PCNX4: variants seen among roughly 807,000 people sequenced by gnomAD.
PCNX4 encodes pecanex-like protein 4.
In PCNX4, 103 loss-of-function variants were observed where a neutral mutation model predicts 107.2. The ratio of observed to expected loss-of-function variants is 0.96; its 90% CI spans 0.82 to 1.13. The LOEUF (loss-of-function observed/expected upper bound fraction) is 1.13. PCNX4 is among the 50% of genes most tolerant of loss of function. PCNX4 has a pLI of 0.00. For missense variants in PCNX4, 1,528 were observed against 1,379.4 expected (o/e 1.11, Z -1.71); for synonymous variants, 541 against 481.7 (o/e 1.12, Z -1.61).
rs766470939 is a variant in PCNX4 at position 60,134,150 on chromosome 14, G to A, written c.3448G>A (p.Val1150Ile). The A allele has an allele frequency of 6.8e-6, 11 of 1,613,686 alleles. No homozygotes were observed. In the South Asian group the frequency reaches 1.1e-4, roughly 16 times the overall value. Reference sequence around the variant, plus strand: ...TCCACTACTTTTAAGAAATCTTACGGTACAAGCAGCAGAACCTCCCCTGGG... The same window carrying A: ...TCCACTACTTTTAAGAAATCTTACGATACAAGCAGCAGAACCTCCCCTGGG... ...AHPLLLRNLT[V>I]QAAEPPLGYP... Residue 1150 changes from valine (V) to isoleucine (I), a missense_variant, in exon 11 of 11, where the codon GTA becomes ATA. Val to Ile is a conservative substitution (Grantham distance 29). Transcript: ENST00000406854.
At chr14:60,125,949 A>C in intron 10 of PCNX4, 126 bp downstream of exon 10, 1 of 671,120 alleles carries the variant, frequency 1.5e-6, no homozygotes, top group Non-Finnish European at 2.2e-6. Flanking sequence ...TATAGTTTTA[A>C]GGCATTTGTA....
In PCNX4 at chr14:60,125,626, A is replaced by G. The variant is rs1237540466; in HGVS notation, c.3081-11A>G. On this transcript the variant is annotated splice_polypyrimidine_tract_variant and intron_variant, in intron 9 of 10. Coordinates refer to ENST00000406854, the MANE Select transcript of PCNX4 (RefSeq NM_001330177.2). ...ATATTCTAAAATTCTTCGGTTCTCC[A>G]TTTTTTTTAGGTATACTCTGAAACT... is the stretch of plus-strand genomic sequence containing the variant. 6 of 1,447,716 alleles carry G rather than the reference A, an allele frequency of 4.1e-6. No homozygotes were observed. Among genetic ancestry groups the G allele is most frequent in the Non-Finnish European group, 5.5e-6 (6 of 1,096,292 alleles). The allele number at this position is 1,447,716 out of a possible 1,614,324, so 89.7% of individuals were successfully genotyped here.
At position 60,144,839 on chromosome 14, in the gene PCNX4, G is replaced by T; in HGVS notation, c.*10618G>T. The stretch of plus-strand genomic sequence containing the variant: ...TTTTTTATTTCATTCCATGTTGGAA[G>T]CAAAGTCATATCTATTAAAAAGTAA... On this transcript the variant is annotated 3_prime_UTR_variant, in exon 11 of 11. Coordinates refer to ENST00000406854, the MANE Select transcript of PCNX4 (RefSeq NM_001330177.2). 3 of 794,730 alleles carry T rather than the reference G, an allele frequency of 3.8e-6. No homozygotes were observed. Among genetic ancestry groups the T allele is most frequent in the South Asian group, 1.6e-5 (1 of 61,544 alleles). The allele number at this position is 794,730 out of a possible 1,614,324, so 49.2% of individuals were successfully genotyped here.
Position 60,116,071 on chromosome 14 carries a change from C to G in PCNX4, c.1578+11C>G, listed in dbSNP as rs1168525698. On this transcript the variant is annotated intron_variant, in intron 6 of 10. Transcript: ENST00000406854. Reference sequence around the variant, plus strand: ...CTCAGACTCTTACTGGTAAGTGTGTCTTTTAACAGCTTTACTGAAATATAT... The same window carrying G: ...CTCAGACTCTTACTGGTAAGTGTGTGTTTTAACAGCTTTACTGAAATATAT... The G allele has an allele frequency of 1.3e-6, 2 of 1,578,368 alleles. No homozygotes were observed. The highest frequency in any genetic ancestry group is 1.7e-6 in the Non-Finnish European group (2 of 1,162,230).
chr14:60,129,253 AG>A (rs1332334326), intron 10 of PCNX4, among the ~76,000 whole-genome samples: 27 of 148,394 alleles, frequency 1.8e-4, no homozygotes, highest in African/African-American at 5.8e-4. Flanking sequence ...AAAAAAAAAA[AG>A]AAGGATAACA....
chr14:60,124,741 T>C lies in PCNX4; in HGVS notation c.2570T>C (p.Val857Ala). The C allele has an allele frequency of 6.2e-7, 1 of 1,613,166 alleles. No individual in the cohort carries two copies. Among genetic ancestry groups the C allele is most frequent in the Non-Finnish European group, 8.5e-7 (1 of 1,179,784 alleles). ...ACAAATTTGTTTATTCCAGGATCAG[T>C]AGAATCACAGAGGGTTGGTGATCAT... ...PGTNLFIPGS[V>A]ESQRVGDHST... The change falls in exon 9 of 11, where the codon GTA (valine) becomes GCA (alanine). Residue 857 changes from valine (V) to alanine (A), a missense_variant. Physicochemically the swap from Val to Ala is moderately conservative, Grantham distance 64 (BLOSUM62 0). Coordinates refer to ENST00000406854, the MANE Select transcript of PCNX4 (RefSeq NM_001330177.2).
chr14:60,132,329 A>G (rs1896169757), intron 10 of PCNX4, among the ~76,000 whole-genome samples: 1 of 152,194 alleles, frequency 6.6e-6, no homozygotes, highest in Non-Finnish European at 1.5e-5. Flanking sequence ...ATCCAGGATG[A>G]TCTCATCTCT....
chr14:60,106,615 G>A (rs555196699), intron 1 of PCNX4, among the ~76,000 whole-genome samples: 1 of 152,276 alleles, frequency 6.6e-6, no homozygotes, highest in African/African-American at 2.4e-5. Flanking sequence ...AAACTCCATA[G>A]AGGTATAACA....
chr14:60,125,801 C>T lies in PCNX4; in HGVS notation c.3245C>T (p.Ser1082Phe), dbSNP rs141434749. 2.0e-4 allele frequency: 329 copies of T among 1,607,482 alleles called. No individual in the cohort carries two copies. Among genetic ancestry groups the T allele is most frequent in the Non-Finnish European group, 2.7e-4 (320 of 1,177,466 alleles). Residue 1082 changes from serine (S) to phenylalanine (F), a missense_variant, in exon 10 of 11, where the codon TCT becomes TTT. Physicochemically the swap from Ser to Phe is radical, Grantham distance 155. Transcript: ENST00000406854. ...AILQEKPYLF[S>F]LGYDSNMGIY... Reference sequence around the variant, plus strand: ...TTACAAGAAAAGCCATACTTGTTTTCTCTGGGGTATGATTCTAATATGGTA... The same window carrying T: ...TTACAAGAAAAGCCATACTTGTTTTTTCTGGGGTATGATTCTAATATGGTA...
rs754590146 is a variant in PCNX4 at position 60,124,964 on chromosome 14, G to A, written c.2793G>A (p.Ser931=). The A allele has an allele frequency of 2.5e-5, 40 of 1,613,724 alleles. No individual in the cohort carries two copies. The highest frequency in any genetic ancestry group is 4.4e-5 in the South Asian group (4 of 91,088). Residue 931 remains serine, a synonymous_variant, in exon 9 of 11, where the codon TCG becomes TCA. Transcript: ENST00000406854. Reference sequence around the variant, plus strand: ...GTTCCAAAATGAAGGAGATGAGCTCGTTATTTCCAGAAGACTGGTACCAAT... The same window carrying A: ...GTTCCAAAATGAAGGAGATGAGCTCATTATTTCCAGAAGACTGGTACCAAT... The part of the protein sequence containing the change: ...MPSSKMKEMS[S]LFPEDWYQFV...
intron 1 of PCNX4, among the ~76,000 whole-genome samples, chr14:60,097,904 C>G (rs1332808216): frequency 2.6e-5 from 4 of 152,198 alleles, no homozygotes; most frequent in African/African-American, 9.7e-5. Context: ...CTGTCTGTCC[C>G]CTTGTCAGCA....
rs1349171699 is a variant in PCNX4 at position 60,144,800 on chromosome 14, T to A, written c.*10579T>A. ...ACCTTTTTTGCAAGATTCATGGCAA[T>A]CTTTTATTATTTATTTTTTATTTCA... is the stretch of plus-strand genomic sequence containing the variant. On this transcript the variant is annotated 3_prime_UTR_variant, in exon 11 of 11. Transcript: ENST00000406854. 1 of 636,782 alleles carries A rather than the reference T, an allele frequency of 1.6e-6. No individual in the cohort carries two copies. The highest frequency in any genetic ancestry group is 2.7e-6 in the Non-Finnish European group (1 of 364,652). 39.4% of individuals were successfully genotyped at this position (636,782 alleles called of 1,614,324 possible). A position where few individuals can be genotyped will look rare whatever the true frequency, so the allele number is the denominator to read the frequency against.
Position 60,124,656 on chromosome 14 carries a change from G to C in PCNX4, c.2485G>C (p.Asp829His), listed in dbSNP as rs959884904. Residue 829 changes from aspartate to histidine, a missense_variant, in exon 9 of 11, where the codon GAT (aspartate) becomes CAT (histidine). Transcript: ENST00000406854. The stretch of plus-strand genomic sequence containing the variant: ...CTGGTCTGATGATAATATTTTTGAT[G>C]ATGAGCCAACTATCAAAAAAGTAAT... ...NDWSDDNIFD[D>H]EPTIKKVIEE... 2 of 1,613,580 alleles carry C rather than the reference G, an allele frequency of 1.2e-6. No homozygotes were observed. The highest frequency in any genetic ancestry group is 8.5e-7 in the Non-Finnish European group (1 of 1,179,708).
Position 60,138,912 on chromosome 14 carries a change from A to C in PCNX4, c.*4691A>C, listed in dbSNP as rs1191873015. The C allele has an allele frequency of 6.6e-6, 1 of 152,174 alleles. No homozygotes were observed. The highest frequency in any genetic ancestry group is 1.5e-5 in the Non-Finnish European group (1 of 67,986). The allele number at this position is 152,174 out of a possible 1,614,324, so 9.4% of individuals were successfully genotyped here. On this transcript the variant is annotated 3_prime_UTR_variant, in exon 11 of 11. Coordinates refer to ENST00000406854, the MANE Select transcript of PCNX4 (RefSeq NM_001330177.2). ...AATTTGGTGCAGGAATTCTAAGGTC[A>C]GAATTATCAGAAAGAAGATTAAAGT...
At position 60,134,475 on chromosome 14, in the gene PCNX4, A is replaced by G. The variant is rs1896211950; in HGVS notation, c.*254A>G. On this transcript the variant is annotated 3_prime_UTR_variant, in exon 11 of 11. Transcript: ENST00000406854. Reference sequence around the variant, plus strand: ...TCTGGACTTTAGTAGGCTTTGGTAAATGTGAGAAAACTTTTGTAGAATTAT... The same window carrying G: ...TCTGGACTTTAGTAGGCTTTGGTAAGTGTGAGAAAACTTTTGTAGAATTAT... 2.5e-6 allele frequency: 1 copy of G among 396,448 alleles called. No homozygotes were observed. Among genetic ancestry groups the G allele is most frequent in the Non-Finnish European group, 4.5e-6 (1 of 223,316 alleles). The allele number at this position is 396,448 out of a possible 1,614,324, so 24.6% of individuals were successfully genotyped here.
chr14:60,132,444 C>G (rs371703739), intron 10 of PCNX4, among the ~76,000 whole-genome samples: 80 of 152,096 alleles, frequency 5.3e-4, no homozygotes, highest in African/African-American at 1.8e-3. Context: ...ACTTTATATA[C>G]GGTATTTTTA....
At position 60,121,202 on chromosome 14, in the gene PCNX4, TC is replaced by T; in HGVS notation, c.1951del (p.Leu651TyrfsTer14). ...TTTTTCTAATTTGTTGTAGGTCTCC[TC>T]CTACCTGGATCTCATTACTTGGGCC... ...TAMAAGSLGL[L>X]LPGSHYLGRF... On this transcript the variant is annotated frameshift_variant, in exon 8 of 11. Coordinates refer to ENST00000406854, the MANE Select transcript of PCNX4 (RefSeq NM_001330177.2). LOFTEE classifies it high-confidence loss of function. 6.9e-7 allele frequency: 1 copy of T among 1,444,678 alleles called. No homozygotes were observed. The highest frequency in any genetic ancestry group is 1.2e-5 in the South Asian group (1 of 85,792). 89.5% of individuals were successfully genotyped at this position (1,444,678 alleles called of 1,614,324 possible).
rs1566931650 is a variant in PCNX4 at position 60,107,870 on chromosome 14, G to A, written c.232G>A (p.Gly78Arg). 2 of 1,612,822 alleles carry A rather than the reference G, an allele frequency of 1.2e-6. No individual in the cohort carries two copies. Among genetic ancestry groups the A allele is most frequent in the Non-Finnish European group, 1.7e-6 (2 of 1,179,882 alleles). ...KDYYTAALSG[G>R]LMLFTAFVIQ... ...CTATTATACAGCAGCACTTTCAGGTGGATTAATGCTTTTTACTGCATTTGT... is the reference window on the plus strand; with the variant it reads ...CTATTATACAGCAGCACTTTCAGGTAGATTAATGCTTTTTACTGCATTTGT... Residue 78 changes from glycine to arginine, a missense_variant, in exon 2 of 11, where the codon GGA (glycine) becomes AGA (arginine). Physicochemically the swap from Gly to Arg is moderately radical, Grantham distance 125. Coordinates refer to ENST00000406854, the MANE Select transcript of PCNX4 (RefSeq NM_001330177.2).
chr14:60,106,957 T>C (rs757366653), intron 1 of PCNX4, among the ~76,000 whole-genome samples: 1 of 152,254 alleles, frequency 6.6e-6, no homozygotes, highest in Non-Finnish European at 1.5e-5. Context: ...TGAATAAAAG[T>C]AGCCTAAATT....
Sources: allele counts gnomAD v4.1 joint callset (sites outside exome capture counted in the v4.1 genomes callset), GRCh38; gene constraint gnomAD v4.1.1; transcripts MANE v1.5; gene names NCBI Gene and HGNC (gene_info 2026-07-23, HGNC 2026-07-21).